Variants in POU2AF2 observed in about 807,000 individuals in gnomAD.
POU2AF2 encodes the protein POU domain class 2-associating factor 2.
the POU2AF2 span, among the ~76,000 whole-genome samples, chr11:111,261,528 G>A: frequency 6.6e-6 from 1 of 151,988 alleles, no homozygotes; most frequent in Admixed American, 6.6e-5. Flanking sequence ...GCTATCTTAT[G>A]GATTTATTTA....
chr11:111,284,002 A>G, the POU2AF2 span: 1 of 1,365,988 alleles, frequency 7.3e-7, no homozygotes, highest in Non-Finnish European at 1.0e-6. Flanking sequence ...TCCCAGGCAG[A>G]GACTCAGCTG....
At chr11:111,252,455 G>C in the POU2AF2 span, among the ~76,000 whole-genome samples, 3 of 152,052 alleles carry the variant, frequency 2.0e-5, no homozygotes, top group East Asian at 5.8e-4. Context: ...GAGAATCACC[G>C]ACGTATATTC....
chr11:111,269,106 C>T, the POU2AF2 span, among the ~76,000 whole-genome samples: 42 of 152,170 alleles, frequency 2.8e-4, 1 homozygote, highest in African/African-American at 1.0e-3. Context: ...GGGAACATCT[C>T]CCTATACCTT....
the POU2AF2 span, among the ~76,000 whole-genome samples, chr11:111,265,969 C>T: frequency 6.6e-6 from 1 of 151,964 alleles, no homozygotes; most frequent in Non-Finnish European, 1.5e-5. Flanking sequence ...AGAGTTGAAA[C>T]TCCAACCTGG....
the POU2AF2 span, among the ~76,000 whole-genome samples, chr11:111,250,123 G>A: frequency 1.3e-5 from 2 of 152,012 alleles, no homozygotes; most frequent in Admixed American, 6.6e-5. Context: ...CATCAAAACC[G>A]ACTCTTTCCC....
At chr11:111,285,582 C>A in the POU2AF2 span, 6 of 1,516,474 alleles carry the variant, frequency 4.0e-6, no homozygotes, top group Non-Finnish European at 5.3e-6. Flanking sequence ...AAGCCACAGT[C>A]TGGCAGCACA....
the POU2AF2 span, among the ~76,000 whole-genome samples, chr11:111,254,537 T>C: frequency 1.0e-3 from 156 of 152,316 alleles, no homozygotes; most frequent in Admixed American, 1.5e-3. Context: ...ATTATACCCA[T>C]TTTACACATG....
At chr11:111,267,137 C>G in the POU2AF2 span, among the ~76,000 whole-genome samples, 1 of 152,204 alleles carries the variant, frequency 6.6e-6, no homozygotes, top group Non-Finnish European at 1.5e-5. Flanking sequence ...CTACGATACT[C>G]AGACATCTTA....
chr11:111,268,484 TTTA>T, the POU2AF2 span, among the ~76,000 whole-genome samples: 7,251 of 44,372 alleles, frequency 0.16, 698 homozygotes, highest in Admixed American at 0.3. Context: ...CTTTTTTTAT[TTTA>T]TTTTATTTTA....
the POU2AF2 span, among the ~76,000 whole-genome samples, chr11:111,257,975 C>A: frequency 6.6e-6 from 1 of 151,908 alleles, no homozygotes; most frequent in South Asian, 2.1e-4. Context: ...GAAATTAGCC[C>A]GGTGTAGTGG....
chr11:111,268,303 C>G, the POU2AF2 span, among the ~76,000 whole-genome samples: 1 of 152,054 alleles, frequency 6.6e-6, no homozygotes, highest in Non-Finnish European at 1.5e-5. Context: ...ATACGGTCTT[C>G]TCTGATTTCT....
At chr11:111,285,819 C>T in the POU2AF2 span, 1 of 1,607,636 alleles carries the variant, frequency 6.2e-7, no homozygotes, top group Non-Finnish European at 8.5e-7. Context: ...CTGGCTGGGG[C>T]TCAGTCATAC....
At chr11:111,268,699 A>ATGTT in the POU2AF2 span, among the ~76,000 whole-genome samples, 9 of 150,934 alleles carry the variant, frequency 6.0e-5, no homozygotes, top group East Asian at 3.9e-4. Flanking sequence ...ATGCCTGGCT[A>ATGTT]TGTTTGTTTG....
At chr11:111,250,843 C>T in the POU2AF2 span, among the ~76,000 whole-genome samples, 20 of 152,218 alleles carry the variant, frequency 1.3e-4, no homozygotes, top group East Asian at 1.7e-3. Context: ...AGACAGCCAG[C>T]GCAAAAGTCT....
the POU2AF2 span, among the ~76,000 whole-genome samples, chr11:111,258,011 A>G: frequency 1.3e-5 from 2 of 152,140 alleles, no homozygotes; most frequent in Non-Finnish European, 2.9e-5. Flanking sequence ...TCAGCTACTC[A>G]GGAGGCTGAA....
chr11:111,279,383 A>G, the POU2AF2 span, among the ~76,000 whole-genome samples: 1 of 152,198 alleles, frequency 6.6e-6, no homozygotes, highest in African/African-American at 2.4e-5. Context: ...AGCAACAGAA[A>G]TGTATCATCT....
chr11:111,256,131 TTC>T, the POU2AF2 span: 2 of 398,880 alleles, frequency 5.0e-6, no homozygotes, highest in Non-Finnish European at 8.8e-6. Flanking sequence ...TGCTTGCAGG[TTC>T]TCTCTCCTCT....
chr11:111,251,298 T>C, the POU2AF2 span, among the ~76,000 whole-genome samples: 6 of 152,146 alleles, frequency 3.9e-5, no homozygotes, highest in Non-Finnish European at 8.8e-5. Context: ...CTAGAATGAC[T>C]CTACAGCTTC....
At chr11:111,248,171 T>C in the POU2AF2 span, among the ~76,000 whole-genome samples, 1 of 152,136 alleles carries the variant, frequency 6.6e-6, no homozygotes, top group Non-Finnish European at 1.5e-5. Flanking sequence ...TTCCACAATA[T>C]AACTAACATA....
Sources: allele counts gnomAD v4.1 joint callset (sites outside exome capture counted in the v4.1 genomes callset), GRCh38; gene constraint gnomAD v4.1.1; transcripts MANE v1.5; gene names NCBI Gene and HGNC (gene_info 2026-07-23, HGNC 2026-07-21).